Variants in WDR25 observed in about 807,000 individuals in gnomAD.
WDR25 encodes the protein WD repeat-containing protein 25.
Under a neutral mutation model 47.7 loss-of-function variants are expected in WDR25, and 35 were observed. The ratio of observed to expected loss-of-function variants is 0.73; its 90% CI spans 0.56 to 0.97. WDR25 has a LOEUF of 0.97. Ranked by LOEUF, WDR25 falls within the 50% of genes least tolerant of loss-of-function variation. The pLI is 0.00. For synonymous variants in WDR25, 248 were observed against 278.9 expected (o/e 0.89, Z 1.10); for missense variants, 634 against 704.7 (o/e 0.90, Z 1.14).
At chr14:100,399,317 T>A (rs1166284672) in intron 2 of WDR25, among the ~76,000 whole-genome samples, 1 of 152,202 alleles carries the variant, frequency 6.6e-6, no homozygotes, top group African/African-American at 2.4e-5. Context: ...TAGATGCACA[T>A]CTGTAGGTGA....
intron 2 of WDR25, among the ~76,000 whole-genome samples, chr14:100,389,651 A>G (rs141637233): frequency 6.6e-6 from 1 of 152,172 alleles, no homozygotes; most frequent in Non-Finnish European, 1.5e-5. Flanking sequence ...GGCTTCCTGA[A>G]GTTTCCTGAA....
At chr14:100,515,967 A>G (rs1178458043) in intron 4 of WDR25, among the ~76,000 whole-genome samples, 1 of 146,674 alleles carries the variant, frequency 6.8e-6, no homozygotes, top group Non-Finnish European at 1.5e-5. Context: ...CATTTGTGTC[A>G]CTCATGGGTC....
chr14:100,396,272 G>A (rs527998742), intron 2 of WDR25, among the ~76,000 whole-genome samples: 37 of 152,274 alleles, frequency 2.4e-4, no homozygotes, highest in Middle Eastern at 3.4e-3. Context: ...CACTGCGCCC[G>A]GCCGAAATGT....
chr14:100,412,944 C>T (rs1011073659), intron 2 of WDR25, among the ~76,000 whole-genome samples: 2 of 152,168 alleles, frequency 1.3e-5, no homozygotes, highest in East Asian at 1.9e-4. Flanking sequence ...AATCTCCTGC[C>T]TCAGCTTCCC....
intron 2 of WDR25, among the ~76,000 whole-genome samples, chr14:100,414,114 G>A (rs148649261): frequency 0.011 from 1,629 of 150,972 alleles, 35 homozygotes; most frequent in African/African-American, 0.038. Flanking sequence ...TTCTGCCTCC[G>A]CCTCCCTAGT....
intron 2 of WDR25, among the ~76,000 whole-genome samples, chr14:100,413,598 A>G (rs1263942334): frequency 2.0e-5 from 3 of 151,948 alleles, no homozygotes; most frequent in Admixed American, 1.3e-4. Context: ...TATTTTTAGT[A>G]GAGATGGGGT....
intron 3 of WDR25, among the ~76,000 whole-genome samples, chr14:100,473,479 C>CT (rs1200830562): frequency 3.3e-5 from 5 of 152,172 alleles, no homozygotes; most frequent in African/African-American, 1.2e-4. Context: ...AACCTGACTC[C>CT]TGGGGAGCCT....
At chr14:100,429,296 G>C (rs1029927534) in intron 2 of WDR25, among the ~76,000 whole-genome samples, 2 of 152,134 alleles carry the variant, frequency 1.3e-5, no homozygotes, top group Non-Finnish European at 2.9e-5. Context: ...GTGGGGAGGT[G>C]GGCTGTGTGT....
chr14:100,382,067 G>A (rs1339178249), intron 2 of WDR25: 1 of 702,904 alleles, frequency 1.4e-6, no homozygotes, highest in Non-Finnish European at 2.6e-6. Context: ...TGGGGACTGG[G>A]GACATCCTCG....
intron 2 of WDR25, among the ~76,000 whole-genome samples, chr14:100,459,924 A>G (rs1448181471): frequency 2.3e-4 from 25 of 110,560 alleles, no homozygotes; most frequent in South Asian, 8.6e-4. Context: ...ATATATATAT[A>G]TATATATATA....
chr14:100,528,964 A>G (rs2030327191), intron 5 of WDR25, 104 bp from the exon 6 acceptor site: 2 of 1,390,598 alleles, frequency 1.4e-6, no homozygotes, highest in Non-Finnish European at 1.9e-6. Flanking sequence ...TAGGAAACCA[A>G]TGGAGACACC....
intron 2 of WDR25, among the ~76,000 whole-genome samples, chr14:100,429,972 G>C (rs756884717): frequency 2.0e-5 from 3 of 152,130 alleles, no homozygotes; most frequent in African/African-American, 7.2e-5. Context: ...CACCTGGGGA[G>C]TTAGGGCTTC....
At chr14:100,420,627 A>T (rs918997194) in intron 2 of WDR25, among the ~76,000 whole-genome samples, 1 of 152,254 alleles carries the variant, frequency 6.6e-6, no homozygotes, top group Non-Finnish European at 1.5e-5. Context: ...TTTTAAAAAT[A>T]TATTAAAATC....
chr14:100,460,802 C>T (rs1356120191), intron 2 of WDR25, among the ~76,000 whole-genome samples: 1 of 152,014 alleles, frequency 6.6e-6, no homozygotes, highest in Non-Finnish European at 1.5e-5. Context: ...AAGGGTGTCA[C>T]GGAGAGTTAT....
chr14:100,518,308 G>T (rs1901575948), intron 4 of WDR25, among the ~76,000 whole-genome samples: 1 of 151,732 alleles, frequency 6.6e-6, no homozygotes, highest in Non-Finnish European at 1.5e-5. Flanking sequence ...GCTGTTTTCT[G>T]GTCTCCATAG....
chr14:100,444,441 A>G (rs1331970140), intron 2 of WDR25, among the ~76,000 whole-genome samples: 3 of 152,198 alleles, frequency 2.0e-5, no homozygotes, highest in Non-Finnish European at 4.4e-5. Context: ...ATCCAGGTGT[A>G]TGGGGCCCCG....
intron 2 of WDR25, among the ~76,000 whole-genome samples, chr14:100,439,106 C>T (rs111995210): frequency 6.6e-6 from 1 of 152,232 alleles, no homozygotes; most frequent in South Asian, 2.1e-4. Context: ...GCTCTATGCC[C>T]TGGGCAAGTG....
intron 2 of WDR25, among the ~76,000 whole-genome samples, chr14:100,383,604 C>T (rs886848095): frequency 2.0e-5 from 3 of 152,192 alleles, no homozygotes; most frequent in Non-Finnish European, 2.9e-5. Context: ...CGCCTGGTGG[C>T]GTGAAGTGCT....
intron 2 of WDR25, among the ~76,000 whole-genome samples, chr14:100,431,133 A>G (rs973363884): frequency 6.6e-6 from 1 of 152,216 alleles, no homozygotes; most frequent in African/African-American, 2.4e-5. Flanking sequence ...TTTTATTAGT[A>G]TGGCTAATTA....
Sources: gnomAD v4.1 joint callset for allele counts (sites outside exome capture counted in the v4.1 genomes callset) on GRCh38, gnomAD v4.1.1 for gene constraint, MANE v1.5 for transcripts, NCBI Gene and HGNC (gene_info 2026-07-23, HGNC 2026-07-21) for gene names.